The following DPP10 variants were observed in gnomAD, a reference collection of about 807,000 sequenced individuals.
DPP10 encodes the protein dipeptidyl peptidase like 10.
DPP10 carries 33 observed loss-of-function variants against 120.9 expected under a neutral mutation model. The ratio of observed to expected loss-of-function variants is 0.27; its 90% CI spans 0.21 to 0.37. DPP10 has a LOEUF of 0.37. DPP10 is among the 10% of genes least tolerant of loss of function. The probability of loss-of-function intolerance (pLI) is 1.00; values close to 1 mark genes in which losing one functional copy is unlikely to be tolerated. For synonymous variants in DPP10, 337 were observed against 326.1 expected (o/e 1.03, Z -0.36); for missense variants, 816 against 942.8 (o/e 0.87, Z 1.76).
chr2:115,474,381 ACAT>A (rs1022596076), intron 3 of DPP10, among the ~76,000 whole-genome samples: 4 of 152,200 alleles, frequency 2.6e-5, no homozygotes, highest in African/African-American at 9.6e-5. Context: ...GAATTAGAAA[ACAT>A]CATAGACCAT....
intron 5 of DPP10, among the ~76,000 whole-genome samples, chr2:115,612,947 G>C (rs1009415354): frequency 6.6e-5 from 10 of 151,634 alleles, no homozygotes; most frequent in African/African-American, 1.9e-4. Flanking sequence ...CACTAGGCAG[G>C]GTTGATAAAT....
intron 5 of DPP10, among the ~76,000 whole-genome samples, chr2:115,628,610 G>A (rs1018939755): frequency 6.6e-6 from 1 of 152,008 alleles, no homozygotes; most frequent in Non-Finnish European, 1.5e-5. Flanking sequence ...TGTACTGAAT[G>A]GCATTGCCTG....
rs1338584348 is a variant in DPP10 at position 115,378,354 on chromosome 2, T to G, written c.271+34442T>G. Among the ~76,000 whole-genome samples, 4 of 60,000 alleles carry G rather than the reference T, an allele frequency of 6.7e-5. No individual in the cohort carries two copies. The Admixed American group carries it at 7.7e-4, about 11-fold the overall frequency. The allele number at this position is 60,000 out of a possible 152,430, so 39.4% of individuals were successfully genotyped here. ...TTCACTCATGATTTGGCTCTCTGTT[T>G]GTCTGTTGTTGGTGTATAAGAATGC... On this transcript the variant is annotated intron_variant, in intron 3 of 25. Transcript: ENST00000410059.
chr2:114,686,321 A>G (rs915357254), intron 1 of DPP10, among the ~76,000 whole-genome samples: 2 of 151,934 alleles, frequency 1.3e-5, no homozygotes, highest in Non-Finnish European at 2.9e-5. Flanking sequence ...TGAGGTACAT[A>G]TGTAAAGTTA....
At chr2:114,898,187 T>C (rs1693208437) in intron 1 of DPP10, among the ~76,000 whole-genome samples, 1 of 152,226 alleles carries the variant, frequency 6.6e-6, no homozygotes, top group African/African-American at 2.4e-5. Flanking sequence ...GATGAGTTCA[T>C]GTCCTTTGTA....
At chr2:115,823,203 T>A (rs1052961160) in intron 21 of DPP10, among the ~76,000 whole-genome samples, 3 of 152,244 alleles carry the variant, frequency 2.0e-5, no homozygotes, top group Non-Finnish European at 4.4e-5. Flanking sequence ...CTATGGGGAT[T>A]CTTTGATGCT....
intron 1 of DPP10, among the ~76,000 whole-genome samples, chr2:114,809,656 A>T (rs1167153153): frequency 1.3e-5 from 2 of 152,152 alleles, no homozygotes; most frequent in Non-Finnish European, 2.9e-5. Context: ...GAAGCAACCC[A>T]ATCACCCTGG....
chr2:115,650,282 G>A (rs2087640859), intron 5 of DPP10, among the ~76,000 whole-genome samples: 2 of 151,834 alleles, frequency 1.3e-5, no homozygotes, highest in Non-Finnish European at 2.9e-5. Flanking sequence ...AGATGTACTA[G>A]CTAATGTGAT....
At chr2:114,930,810 G>A (rs1574508666) in intron 1 of DPP10, among the ~76,000 whole-genome samples, 2 of 152,174 alleles carry the variant, frequency 1.3e-5, no homozygotes, top group Non-Finnish European at 2.9e-5. Flanking sequence ...ATCACATGGT[G>A]AGAGAGGAAG....
At chr2:115,567,799 T>G (rs1289800748) in intron 5 of DPP10, among the ~76,000 whole-genome samples, 1 of 152,254 alleles carries the variant, frequency 6.6e-6, no homozygotes, top group Non-Finnish European at 1.5e-5. Flanking sequence ...CAATTTACAT[T>G]CACAATAGCA....
chr2:114,949,769 A>G (rs573986285), intron 1 of DPP10, among the ~76,000 whole-genome samples: 1 of 152,248 alleles, frequency 6.6e-6, no homozygotes, highest in African/African-American at 2.4e-5. Context: ...CACCCAGTAC[A>G]ATGGGGTCTG....
Position 115,699,566 on chromosome 2 carries a change from G to A in DPP10, c.576+9645G>A, listed in dbSNP as rs188744505. On this transcript the variant is annotated intron_variant, in intron 7 of 25. Coordinates refer to ENST00000410059, the MANE Select transcript of DPP10 (RefSeq NM_020868.6). ...GCAGTGAGTTGTGATTTGAGATCAT[G>A]CCACTGCACTCCTGCCTGGGCAACA... 8.9e-4 allele frequency among the ~76,000 whole-genome samples: 136 copies of A among 152,284 alleles called. 1 individual carries two copies. The East Asian group carries it at 0.019, about 21-fold the overall frequency.
chr2:114,582,952 G>A (rs1690658973), intron 1 of DPP10, among the ~76,000 whole-genome samples: 1 of 152,124 alleles, frequency 6.6e-6, no homozygotes, highest in Non-Finnish European at 1.5e-5. Context: ...GATGGTGATG[G>A]CATACATAGC....
At chr2:114,537,522 T>G (rs1430130488) in intron 1 of DPP10, among the ~76,000 whole-genome samples, 1 of 151,996 alleles carries the variant, frequency 6.6e-6, no homozygotes, top group Non-Finnish European at 1.5e-5. Flanking sequence ...TGGTCCCTGG[T>G]GTGCACAAGG....
At chr2:114,778,049 A>T (rs865862487) in intron 1 of DPP10, among the ~76,000 whole-genome samples, 30 of 152,266 alleles carry the variant, frequency 2.0e-4, no homozygotes, top group African/African-American at 7.2e-4. Context: ...TGGGAATAAT[A>T]GCAATCATCT....
intron 1 of DPP10, among the ~76,000 whole-genome samples, chr2:114,658,862 C>G (rs1351561430): frequency 6.6e-6 from 1 of 152,162 alleles, no homozygotes; most frequent in Non-Finnish European, 1.5e-5. Flanking sequence ...TCTGTATCCC[C>G]ACCCAAATCT....
At chr2:115,282,869 G>GA (rs1465713343) in intron 1 of DPP10, among the ~76,000 whole-genome samples, 2 of 151,942 alleles carry the variant, frequency 1.3e-5, no homozygotes, top group African/African-American at 4.8e-5. Context: ...TTTCCGGTTT[G>GA]AATAGCAATA....
chr2:115,656,796 G>A (rs1046588732), intron 5 of DPP10, among the ~76,000 whole-genome samples: 1 of 151,570 alleles, frequency 6.6e-6, no homozygotes, highest in Non-Finnish European at 1.5e-5. Flanking sequence ...AATATTGGAA[G>A]GTTTGCTTAT....
At chr2:114,765,896 C>T (rs143675346) in intron 1 of DPP10, among the ~76,000 whole-genome samples, 1 of 151,958 alleles carries the variant, frequency 6.6e-6, no homozygotes, top group African/African-American at 2.4e-5. Context: ...TAAAAAAATC[C>T]TAACTGGAGG....
Sources: gnomAD v4.1 joint callset for allele counts (sites outside exome capture counted in the v4.1 genomes callset) on GRCh38, gnomAD v4.1.1 for gene constraint, MANE v1.5 for transcripts, NCBI Gene and HGNC (gene_info 2026-07-23, HGNC 2026-07-21) for gene names.